Variants in GRID2 observed in about 807,000 individuals in gnomAD.
The protein encoded by GRID2 is glutamate receptor ionotropic, delta-2.
Under a neutral mutation model 114.8 loss-of-function variants are expected in GRID2, and 33 were observed. That is an observed-to-expected ratio of 0.29 (90% CI 0.22 to 0.38). The LOEUF (loss-of-function observed/expected upper bound fraction) is 0.38. Ranked by LOEUF, GRID2 falls within the 10% of genes least tolerant of loss-of-function variation. GRID2 has a pLI of 1.00. For missense variants in GRID2, 1,184 were observed against 1,257.7 expected (o/e 0.94, Z 0.89); for synonymous variants, 505 against 449.9 (o/e 1.12, Z -1.55).
chr4:92,488,709 C>T (rs1349144083), intron 1 of GRID2, among the ~76,000 whole-genome samples: 1 of 152,140 alleles, frequency 6.6e-6, no homozygotes, highest in Non-Finnish European at 1.5e-5. Flanking sequence ...GAACGTACCT[C>T]TTGTGCCTGA....
intron 14 of GRID2, among the ~76,000 whole-genome samples, chr4:93,746,210 C>T (rs181548734): frequency 1.3e-5 from 2 of 152,190 alleles, no homozygotes; most frequent in East Asian, 3.9e-4. Flanking sequence ...ACTAAATATT[C>T]ATTAAGAAAT....
chr4:92,850,715 C>T (rs1743711763), intron 2 of GRID2, among the ~76,000 whole-genome samples: 1 of 151,892 alleles, frequency 6.6e-6, no homozygotes, highest in South Asian at 2.1e-4. Context: ...ATATAGCAAG[C>T]TGCTGCAGAT....
intron 2 of GRID2, among the ~76,000 whole-genome samples, chr4:92,987,445 G>A (rs1435953982): frequency 6.6e-6 from 1 of 152,066 alleles, no homozygotes; most frequent in African/African-American, 2.4e-5. Flanking sequence ...ATGTTGTGGG[G>A]GTGGGAGGAG....
downstream of GRID2, among the ~76,000 whole-genome samples, chr4:93,777,396 T>C (rs902509682): frequency 6.6e-6 from 1 of 152,220 alleles, no homozygotes; most frequent in Non-Finnish European, 1.5e-5. Flanking sequence ...AAGAGCTCTA[T>C]CTTGACTTGC....
chr4:93,163,384 A>ATATATATATATATG (rs1737913821), intron 4 of GRID2, among the ~76,000 whole-genome samples: 1 of 39,430 alleles, frequency 2.5e-5, no homozygotes, highest in African/African-American at 1.4e-4. Flanking sequence ...ATATATATAT[A>ATATATATATATATG]TATATATATA....
At chr4:93,418,575 AT>A (rs1767950452) in intron 9 of GRID2, among the ~76,000 whole-genome samples, 1 of 152,050 alleles carries the variant, frequency 6.6e-6, no homozygotes, top group South Asian at 2.1e-4. Context: ...TTGAGGATCA[AT>A]TTCTGTTCCT....
At chr4:93,595,909 G>C (rs1739032454) in intron 13 of GRID2, among the ~76,000 whole-genome samples, 1 of 152,182 alleles carries the variant, frequency 6.6e-6, no homozygotes, top group African/African-American at 2.4e-5. Flanking sequence ...CAGGCACTGT[G>C]CTAGATATTT....
rs568810997 is a variant in GRID2 at position 93,450,776 on chromosome 4, A to G, written c.1546-4886A>G. Among the ~76,000 whole-genome samples, 49 of 151,880 alleles carry G rather than the reference A, an allele frequency of 3.2e-4. 1 individual carries two copies. The highest frequency in any genetic ancestry group is 3.3e-3 in the Middle Eastern group (1 of 306). On this transcript the variant is annotated intron_variant, in intron 10 of 15. Transcript: ENST00000282020. The stretch of plus-strand genomic sequence containing the variant: ...GCTAGTCCTAATCAAAATTTAAATA[A>G]TCATTTTACAATAAATATTTGACAT...
intron 13 of GRID2, among the ~76,000 whole-genome samples, chr4:93,607,199 C>A: frequency 6.6e-6 from 1 of 151,934 alleles, no homozygotes; most frequent in East Asian, 1.9e-4. Flanking sequence ...AGTATTATTC[C>A]ATATTTTTCT....
At chr4:92,726,898 C>T (rs1736094825) in intron 2 of GRID2, among the ~76,000 whole-genome samples, 1 of 151,562 alleles carries the variant, frequency 6.6e-6, no homozygotes, top group Non-Finnish European at 1.5e-5. Context: ...AGAGATTTTA[C>T]AGGAAAAAAA....
Position 92,853,478 on chromosome 4 carries a change from A to G in GRID2, c.245-231517A>G, listed in dbSNP as rs182166103. On this transcript the variant is annotated intron_variant, in intron 2 of 15. Coordinates refer to ENST00000282020, the MANE Select transcript of GRID2 (RefSeq NM_001510.4). ...CTGTCACTCCATTAAAATAGTATTC[A>G]TATTTTTATTTCTGTCATGCTTATT... Among the ~76,000 whole-genome samples, 41 of 152,078 alleles carry G rather than the reference A, an allele frequency of 2.7e-4. No individual in the cohort carries two copies. In the East Asian group the frequency reaches 6.8e-3, roughly 25 times the overall value.
chr4:92,653,855 C>A (rs1296758890), intron 2 of GRID2, among the ~76,000 whole-genome samples: 1 of 152,090 alleles, frequency 6.6e-6, no homozygotes, highest in East Asian at 1.9e-4. Flanking sequence ...TTTGTGACAT[C>A]TTATGTGGTC....
chr4:93,501,729 C>T (rs1728128259), intron 12 of GRID2, among the ~76,000 whole-genome samples: 1 of 152,054 alleles, frequency 6.6e-6, no homozygotes, highest in Admixed American at 6.6e-5. Flanking sequence ...TTAGCATTTC[C>T]ATAGACTCTG....
intron 15 of GRID2, among the ~76,000 whole-genome samples, chr4:93,771,827 C>T (rs567251261): frequency 6.6e-6 from 1 of 152,146 alleles, no homozygotes; most frequent in Non-Finnish European, 1.5e-5. Flanking sequence ...TTTGTAGTTG[C>T]ATGTGGCATA....
chr4:92,601,271 C>T (rs1729204581), intron 2 of GRID2, among the ~76,000 whole-genome samples: 1 of 152,144 alleles, frequency 6.6e-6, no homozygotes, highest in Non-Finnish European at 1.5e-5. Flanking sequence ...AAATTCATCA[C>T]ATAATTAGAA....
At chr4:93,793,411 A>T (rs1166788747) in intron 1 of GRID2, among the ~76,000 whole-genome samples, 1 of 152,124 alleles carries the variant, frequency 6.6e-6, no homozygotes, top group East Asian at 1.9e-4. Flanking sequence ...CACTTTAAAG[A>T]CCATTGTTCT....
rs1002229303 is a variant in GRID2 at position 93,084,903 on chromosome 4, A to T, written c.245-92A>T. 1.3e-5 allele frequency: 12 copies of T among 897,652 alleles called. No homozygotes were observed. In the African/African-American group the frequency reaches 2.0e-4, roughly 15 times the overall value. 55.6% of individuals were successfully genotyped at this position (897,652 alleles called of 1,614,324 possible). ...AAAACATTTTCATAGCTATATAAAAAATCTGTAAGCTTTATCCATCCAGTG... is the reference window on the plus strand; with the variant it reads ...AAAACATTTTCATAGCTATATAAAATATCTGTAAGCTTTATCCATCCAGTG... On this transcript the variant is annotated intron_variant, in intron 2 of 15. Coordinates refer to ENST00000282020, the MANE Select transcript of GRID2 (RefSeq NM_001510.4).
chr4:92,829,415 A>G (rs1741948718), intron 2 of GRID2, among the ~76,000 whole-genome samples: 1 of 152,158 alleles, frequency 6.6e-6, no homozygotes, highest in South Asian at 2.1e-4. Context: ...TAGAATGGCA[A>G]TCATTTAAAA....
chr4:92,354,044 C>G (rs1440727373), intron 1 of GRID2, among the ~76,000 whole-genome samples: 1 of 151,966 alleles, frequency 6.6e-6, no homozygotes, highest in East Asian at 1.9e-4. Context: ...AAAAGAGAGA[C>G]AAATGCCATG....
Sources: gnomAD v4.1 joint callset for allele counts (sites outside exome capture counted in the v4.1 genomes callset) on GRCh38, gnomAD v4.1.1 for gene constraint, MANE v1.5 for transcripts, NCBI Gene and HGNC (gene_info 2026-07-23, HGNC 2026-07-21) for gene names.